ADRA1B: variants seen among roughly 807,000 people sequenced by gnomAD.
ADRA1B encodes the protein alpha-1B adrenergic receptor.
A neutral mutation model predicts 17.9 loss-of-function variants in ADRA1B; 17 were observed. The observed-to-expected ratio is 0.95, with a 90% CI of 0.65 to 1.42. The LOEUF is 1.42. Among genes scored for constraint, ADRA1B ranks in the 40% most tolerant of loss-of-function variants. The probability of loss-of-function intolerance (pLI) is 0.00; values close to 1 mark genes in which losing one functional copy is unlikely to be tolerated. For missense variants in ADRA1B, 681 were observed against 722.1 expected (o/e 0.94, Z 0.65); for synonymous variants, 366 against 327.6 (o/e 1.12, Z -1.27).
At chr5:159,975,240 T>C (rs1257873106), downstream of ADRA1B, among the ~76,000 whole-genome samples, 1 of 152,232 alleles carries the variant, frequency 6.6e-6, no homozygotes, top group Non-Finnish European at 1.5e-5. Context: ...CCTCCTCCTC[T>C]TCCTGAGACA....
At chr5:159,983,162 G>C in the ADRA1B span, among the ~76,000 whole-genome samples, 3 of 152,324 alleles carry the variant, frequency 2.0e-5, no homozygotes, top group East Asian at 5.8e-4. Flanking sequence ...TTCTCATGAA[G>C]GGGTTCCAAA....
intron 1 of ADRA1B, among the ~76,000 whole-genome samples, chr5:159,963,161 A>G (rs1005423102): frequency 8.0e-5 from 12 of 150,798 alleles, no homozygotes; most frequent in African/African-American, 2.9e-4. Flanking sequence ...AAGCACAGAG[A>G]AGGAAAATTC....
At chr5:159,911,957 T>C (rs973295892), upstream of ADRA1B, among the ~76,000 whole-genome samples, 1 of 152,178 alleles carries the variant, frequency 6.6e-6, no homozygotes, top group Non-Finnish European at 1.5e-5. Context: ...CTCAGGCAAA[T>C]CGTTTAACCA....
chr5:159,956,406 A>C (rs1755550924), intron 1 of ADRA1B, among the ~76,000 whole-genome samples: 1 of 150,108 alleles, frequency 6.7e-6, no homozygotes, highest in Non-Finnish European at 1.5e-5. Flanking sequence ...ACCAAAACAC[A>C]CACACAGAGG....
intron 1 of ADRA1B, among the ~76,000 whole-genome samples, chr5:159,953,259 C>G (rs539708069): frequency 3.9e-5 from 6 of 152,156 alleles, no homozygotes; most frequent in Non-Finnish European, 7.3e-5. Context: ...ACTCAGCAGA[C>G]TGAGGCAGGA....
intron 1 of ADRA1B, among the ~76,000 whole-genome samples, chr5:159,902,272 A>G (rs145272897): frequency 2.0e-5 from 3 of 152,348 alleles, no homozygotes; most frequent in Non-Finnish European, 4.4e-5. Flanking sequence ...TTTCACTTAC[A>G]TGAGATAAGT....
chr5:159,981,748 G>A, the ADRA1B span, among the ~76,000 whole-genome samples: 41 of 152,168 alleles, frequency 2.7e-4, no homozygotes, highest in African/African-American at 7.0e-4. Context: ...CGCCCGCCTC[G>A]GCCTCCCAAA....
chr5:159,958,338 C>T (rs1755603972), intron 1 of ADRA1B, among the ~76,000 whole-genome samples: 1 of 152,158 alleles, frequency 6.6e-6, no homozygotes, highest in Non-Finnish European at 1.5e-5. Context: ...TTTTTTCCCA[C>T]AAGCATTGAA....
chr5:159,905,292 A>G (rs1041386220), intron 1 of ADRA1B, among the ~76,000 whole-genome samples: 10 of 152,242 alleles, frequency 6.6e-5, no homozygotes, highest in African/African-American at 2.4e-4. Context: ...AGACAATCCA[A>G]CAAAGCAAGC....
At chr5:159,955,778 C>T (rs1372633866) in intron 1 of ADRA1B, among the ~76,000 whole-genome samples, 3 of 152,112 alleles carry the variant, frequency 2.0e-5, no homozygotes, top group African/African-American at 7.2e-5. Flanking sequence ...GTAGCTAATG[C>T]GACCCCCTTG....
At chr5:159,986,119 T>G in the ADRA1B span, among the ~76,000 whole-genome samples, 3 of 152,176 alleles carry the variant, frequency 2.0e-5, no homozygotes, top group African/African-American at 7.2e-5. Flanking sequence ...AGATTTTCTT[T>G]TAAGAGACAA....
chr5:159,968,476 C>T (rs1755813265), intron 1 of ADRA1B, among the ~76,000 whole-genome samples: 1 of 152,166 alleles, frequency 6.6e-6, no homozygotes, highest in African/African-American at 2.4e-5. Context: ...ATAATTTTTT[C>T]CTCAACAAAC....
chr5:159,925,937 A>C (rs1446143100), intron 1 of ADRA1B, among the ~76,000 whole-genome samples: 1 of 151,372 alleles, frequency 6.6e-6, no homozygotes. Flanking sequence ...TCCCATGAAG[A>C]GGGAAGCCCT....
intron 1 of ADRA1B, among the ~76,000 whole-genome samples, chr5:159,889,517 A>G (rs1479249763): frequency 6.6e-6 from 1 of 152,198 alleles, no homozygotes; most frequent in East Asian, 1.9e-4. Context: ...GTAGCTAGGA[A>G]GTAGCACATG....
Position 159,870,459 on chromosome 5 carries a change from T to C in ADRA1B, c.-256+5253T>C, listed in dbSNP as rs922970727. The C allele has an allele frequency of 6.6e-5, 10 of 152,324 alleles. No homozygotes were observed. In the East Asian group the frequency reaches 1.9e-3, roughly 29 times the overall value. The allele number at this position is 152,324 out of a possible 1,614,324, so 9.4% of individuals were successfully genotyped here. ...CTATAAACATCAATAAATCCATCCA[T>C]CCATCCAACCATTCATTCAATGATC... On this transcript the variant is annotated intron_variant, in intron 1 of 2. Transcript: ENST00000641205.
At chr5:159,912,116 G>A (rs1211098476), upstream of ADRA1B, among the ~76,000 whole-genome samples, 1 of 152,184 alleles carries the variant, frequency 6.6e-6, no homozygotes, top group Non-Finnish European at 1.5e-5. Context: ...CTAACAGATA[G>A]TATTACTATT....
intron 1 of ADRA1B, among the ~76,000 whole-genome samples, chr5:159,965,747 G>T (rs942085104): frequency 1.3e-5 from 2 of 152,186 alleles, no homozygotes; most frequent in African/African-American, 4.8e-5. Flanking sequence ...ACACTGCCCC[G>T]CTGTGGTGAA....
intron 1 of ADRA1B, among the ~76,000 whole-genome samples, chr5:159,878,048 T>C (rs927284940): frequency 1.3e-5 from 2 of 152,204 alleles, no homozygotes; most frequent in Admixed American, 6.5e-5. Flanking sequence ...TTCAGGTCTC[T>C]TCAGCTTGGT....
intron 1 of ADRA1B, among the ~76,000 whole-genome samples, chr5:159,927,093 C>T (rs1002333660): frequency 9.9e-5 from 15 of 152,044 alleles, no homozygotes; most frequent in Non-Finnish European, 1.6e-4. Context: ...CCCGTGTGGA[C>T]ACAAGGTAGG....
Sources: allele counts gnomAD v4.1 joint callset (sites outside exome capture counted in the v4.1 genomes callset), GRCh38; gene constraint gnomAD v4.1.1; transcripts MANE v1.5; gene names NCBI Gene and HGNC (gene_info 2026-07-23, HGNC 2026-07-21).